LRIF1: variants seen among roughly 807,000 people sequenced by gnomAD.
The protein encoded by LRIF1 is ligand dependent nuclear receptor interacting factor 1.
Under a neutral mutation model 52.7 loss-of-function variants are expected in LRIF1, and 32 were observed. The observed-to-expected ratio is 0.61, with a 90% CI of 0.46 to 0.82. The LOEUF (loss-of-function observed/expected upper bound fraction) is 0.82. Ranked by LOEUF, LRIF1 falls within the 40% of genes least tolerant of loss-of-function variation. The pLI is 0.00. For synonymous variants in LRIF1, 323 were observed against 317.4 expected (o/e 1.02, Z -0.19); for missense variants, 887 against 892.0 (o/e 0.99, Z 0.07).
At chr1:110,896,094 C>T in the LRIF1 span, among the ~76,000 whole-genome samples, 6 of 152,108 alleles carry the variant, frequency 3.9e-5, no homozygotes, top group Non-Finnish European at 7.4e-5. Context: ...TAATAGTACA[C>T]CTCTTTGTTC....
chr1:110,892,667 C>A, the LRIF1 span: 1 of 745,150 alleles, frequency 1.3e-6, no homozygotes, highest in Non-Finnish European at 2.3e-6. Flanking sequence ...TCAGATCAGC[C>A]AAGTCTGCCC....
At chr1:110,902,954 T>C in the LRIF1 span, among the ~76,000 whole-genome samples, 1 of 152,150 alleles carries the variant, frequency 6.6e-6, no homozygotes, top group Admixed American at 6.6e-5. Flanking sequence ...AGAGTGTCTC[T>C]GGGTGCCGGG....
chr1:110,900,917 C>T, the LRIF1 span, among the ~76,000 whole-genome samples: 32 of 152,166 alleles, frequency 2.1e-4, no homozygotes, highest in African/African-American at 7.2e-4. Context: ...TAATTATCTA[C>T]GTATAACCAC....
the LRIF1 span, among the ~76,000 whole-genome samples, chr1:110,881,176 A>G: frequency 6.6e-6 from 1 of 152,162 alleles, no homozygotes; most frequent in African/African-American, 2.4e-5. Flanking sequence ...GAGCGTATGC[A>G]TCACTCACCA....
the LRIF1 span, among the ~76,000 whole-genome samples, chr1:110,918,333 G>A: frequency 0.59 from 90,207 of 151,882 alleles, 27,318 homozygotes; most frequent in East Asian, 0.84. Context: ...AATGGAAAGG[G>A]AGAAATAATA....
the LRIF1 span, chr1:110,941,750 G>A: frequency 7.2e-5 from 11 of 152,212 alleles, no homozygotes; most frequent in East Asian, 1.7e-3. Flanking sequence ...TGAAGGGTAT[G>A]TGAGACATAA....
At chr1:110,946,608 A>AT (rs55737391), downstream of LRIF1, among the ~76,000 whole-genome samples, 19 of 130,976 alleles carry the variant, frequency 1.5e-4, no homozygotes, top group South Asian at 4.9e-4. Context: ...CATTGCACAG[A>AT]TTTTTTTTTT....
chr1:110,958,350 C>A (rs199782950), intron 1 of LRIF1, among the ~76,000 whole-genome samples: 2 of 152,178 alleles, frequency 1.3e-5, no homozygotes, highest in East Asian at 3.8e-4. Context: ...GTCACTCCAG[C>A]TTAATTTCTT....
chr1:110,883,586 T>A, the LRIF1 span, among the ~76,000 whole-genome samples: 1 of 151,976 alleles, frequency 6.6e-6, no homozygotes, highest in South Asian at 2.1e-4. Context: ...TGTACCCTCC[T>A]TTTCTATTTT....
At chr1:110,901,692 T>G in the LRIF1 span, among the ~76,000 whole-genome samples, 1 of 151,912 alleles carries the variant, frequency 6.6e-6, no homozygotes, top group Non-Finnish European at 1.5e-5. Context: ...GCCAGGATGG[T>G]CTCAAGCTCC....
chr1:110,948,289 G>A lies in LRIF1; in HGVS notation c.1980C>T (p.Val660=). The A allele has an allele frequency of 1.9e-6, 3 of 1,614,058 alleles. No individual in the cohort carries two copies. Among genetic ancestry groups the A allele is most frequent in the Non-Finnish European group, 2.5e-6 (3 of 1,180,008 alleles). ...YNAIINGEAN[V]TGSQLLSSIL... ...TACTGCTTAGGAGTTGGGAACCGGT[G>A]ACATTAGCTTCCCCATTTATGATTG... Residue 660 remains valine (V), a synonymous_variant, in exon 4 of 4, where the codon GTC becomes GTT. Coordinates refer to ENST00000369763, the MANE Select transcript of LRIF1 (RefSeq NM_018372.4).
the LRIF1 span, chr1:110,897,943 G>A: frequency 9.4e-6 from 10 of 1,061,666 alleles, no homozygotes; most frequent in Non-Finnish European, 1.4e-5. Context: ...GTTAAGTCAG[G>A]TAAGATTTCA....
the LRIF1 span, among the ~76,000 whole-genome samples, chr1:110,927,266 G>A: frequency 6.6e-6 from 1 of 152,196 alleles, no homozygotes; most frequent in Admixed American, 6.5e-5. Context: ...GAGTCTGTAT[G>A]TGTGTGTAAA....
the LRIF1 span, among the ~76,000 whole-genome samples, chr1:110,881,132 A>T: frequency 6.6e-6 from 1 of 152,154 alleles, no homozygotes; most frequent in African/African-American, 2.4e-5. Flanking sequence ...ACGTAAGTGT[A>T]CATGCATAAA....
At chr1:110,912,859 C>G in the LRIF1 span, among the ~76,000 whole-genome samples, 1 of 152,076 alleles carries the variant, frequency 6.6e-6, no homozygotes, top group Admixed American at 6.6e-5. Flanking sequence ...TAGAAAAGAG[C>G]CCAAATAGTC....
downstream of LRIF1, among the ~76,000 whole-genome samples, chr1:110,945,904 G>T (rs1416516613): frequency 1.3e-5 from 2 of 152,148 alleles, no homozygotes; most frequent in Non-Finnish European, 2.9e-5. Context: ...TATGTGGTGT[G>T]GGGAGAGCAA....
intron 1 of LRIF1, among the ~76,000 whole-genome samples, chr1:110,957,102 T>G (rs1467252811): frequency 6.6e-6 from 1 of 152,026 alleles, no homozygotes; most frequent in Non-Finnish European, 1.5e-5. Context: ...CTAAGCATTC[T>G]CCTTTAACTA....
the LRIF1 span, chr1:110,892,729 G>T: frequency 3.7e-6 from 2 of 536,742 alleles, no homozygotes; most frequent in South Asian, 2.8e-5. Flanking sequence ...GGTGAAAGAG[G>T]GCATTGCTAT....
the LRIF1 span, chr1:110,939,411 T>C: frequency 7.1e-6 from 1 of 140,464 alleles, no homozygotes; most frequent in East Asian, 2.2e-4. Context: ...CCAAACTACC[T>C]AAAGCAATCT....
Sources: allele counts gnomAD v4.1 joint callset (sites outside exome capture counted in the v4.1 genomes callset), GRCh38; gene constraint gnomAD v4.1.1; transcripts MANE v1.5; gene names NCBI Gene and HGNC (gene_info 2026-07-23, HGNC 2026-07-21).